EIF4G3: variants seen among roughly 807,000 people sequenced by gnomAD.
The protein encoded by EIF4G3 is eIF-4-gamma 3.
Under a neutral mutation model 186.4 loss-of-function variants are expected in EIF4G3, and 34 were observed. That is an observed-to-expected ratio of 0.18 (90% CI 0.14 to 0.24). EIF4G3 has a LOEUF of 0.24. Ranked by LOEUF, EIF4G3 falls within the 10% of genes least tolerant of loss-of-function variation. The probability of loss-of-function intolerance (pLI) is 1.00; values close to 1 mark genes in which losing one functional copy is unlikely to be tolerated. For missense variants in EIF4G3, 1,536 were observed against 1,948.5 expected (o/e 0.79, Z 3.99); for synonymous variants, 673 against 679.5 (o/e 0.99, Z 0.15).
At chr1:20,835,176 G>C (rs2066380096) in intron 30 of EIF4G3, among the ~76,000 whole-genome samples, 2 of 152,192 alleles carry the variant, frequency 1.3e-5, no homozygotes, top group Non-Finnish European at 2.9e-5. Flanking sequence ...AATATCTTGA[G>C]ACAAATGAAA....
intron 26 of EIF4G3, 150 bp downstream of exon 26, chr1:20,854,828 T>C: frequency 4.1e-6 from 2 of 483,984 alleles, no homozygotes; most frequent in Non-Finnish European, 7.5e-6. Context: ...AAAGGATCTA[T>C]GTTGAAAGGA....
intron 2 of EIF4G3, among the ~76,000 whole-genome samples, chr1:21,150,345 T>C (rs1386455593): frequency 6.6e-6 from 1 of 152,212 alleles, no homozygotes; most frequent in Non-Finnish European, 1.5e-5. Context: ...CCATGTCATT[T>C]AAAATAAGGC....
chr1:21,077,583 C>CAA (rs59376357), intron 3 of EIF4G3, among the ~76,000 whole-genome samples: 167 of 122,802 alleles, frequency 1.4e-3, no homozygotes, highest in African/African-American at 4.6e-3. Context: ...ATTAAAAATA[C>CAA]AAAAAAAAAA....
At chr1:20,831,250 G>A (rs2065077760) in intron 30 of EIF4G3, among the ~76,000 whole-genome samples, 1 of 151,424 alleles carries the variant, frequency 6.6e-6, no homozygotes, top group Non-Finnish European at 1.5e-5. Flanking sequence ...ATTGAAGAAA[G>A]GGATACATGA....
chr1:21,090,938 G>A (rs1019583157), intron 2 of EIF4G3, among the ~76,000 whole-genome samples: 1 of 151,982 alleles, frequency 6.6e-6, no homozygotes, highest in African/African-American at 2.4e-5. Flanking sequence ...TCTTATTTAG[G>A]CCAAGATGTC....
chr1:20,816,300 AGCCGCCCCG>A (rs2060820842), intron 34 of EIF4G3, among the ~76,000 whole-genome samples: 1 of 14,098 alleles, frequency 7.1e-5, no homozygotes, highest in Non-Finnish European at 1.5e-4. Flanking sequence ...CTGCCCGGCC[AGCCGCCCCG>A]TCCGGGAGGG....
chr1:20,897,629 T>C (rs897874588), intron 16 of EIF4G3, among the ~76,000 whole-genome samples: 1 of 152,130 alleles, frequency 6.6e-6, no homozygotes, highest in Non-Finnish European at 1.5e-5. Flanking sequence ...AGATTCCTAA[T>C]GTGTAGGTTA....
At chr1:21,101,883 C>A (rs2096534995) in intron 2 of EIF4G3, among the ~76,000 whole-genome samples, 1 of 152,034 alleles carries the variant, frequency 6.6e-6, no homozygotes, top group African/African-American at 2.4e-5. Context: ...CAGAGTATAA[C>A]TGGTAACAAA....
At chr1:21,031,194 C>CA (rs1553158400) in intron 4 of EIF4G3, among the ~76,000 whole-genome samples, 14 of 149,488 alleles carry the variant, frequency 9.4e-5, no homozygotes, top group African/African-American at 2.7e-4. Context: ...AAAAAAAAAA[C>CA]ACAACAACAA....
chr1:21,164,729 G>A (rs902978932), intron 2 of EIF4G3, among the ~76,000 whole-genome samples: 2 of 151,940 alleles, frequency 1.3e-5, no homozygotes, highest in Admixed American at 6.6e-5. Flanking sequence ...GTGTAGTGGC[G>A]CACACATGCA....
At chr1:20,961,153 G>A (rs1207147387) in intron 12 of EIF4G3, among the ~76,000 whole-genome samples, 1 of 152,152 alleles carries the variant, frequency 6.6e-6, no homozygotes, top group Non-Finnish European at 1.5e-5. Context: ...GGGAGGCCGA[G>A]GTGGGCGGAT....
At chr1:21,016,613 C>T (rs917810601) in intron 4 of EIF4G3, among the ~76,000 whole-genome samples, 21 of 151,940 alleles carry the variant, frequency 1.4e-4, no homozygotes, top group African/African-American at 5.1e-4. Flanking sequence ...GAGCCATGAT[C>T]GCGTCACTGC....
intron 36 of EIF4G3, among the ~76,000 whole-genome samples, chr1:20,809,031 T>C (rs1202941534): frequency 6.6e-6 from 1 of 152,088 alleles, no homozygotes; most frequent in Non-Finnish European, 1.5e-5. Flanking sequence ...TGGAGTGCAG[T>C]GGCATGATCT....
intron 3 of EIF4G3, among the ~76,000 whole-genome samples, chr1:21,083,004 C>G (rs1017782105): frequency 9.5e-5 from 12 of 126,354 alleles, no homozygotes; most frequent in Middle Eastern, 6.8e-3. Context: ...CGCCACTGCA[C>G]TCCAACCTGG....
intron 2 of EIF4G3, among the ~76,000 whole-genome samples, chr1:21,166,321 A>AC (rs2097854989): frequency 6.6e-6 from 1 of 151,872 alleles, no homozygotes; most frequent in Non-Finnish European, 1.5e-5. Flanking sequence ...TCCCAGTTAC[A>AC]CAAGAGGCTG....
intron 2 of EIF4G3, among the ~76,000 whole-genome samples, chr1:21,130,355 G>A (rs55769505): frequency 5.9e-5 from 9 of 151,480 alleles, no homozygotes; most frequent in African/African-American, 2.2e-4. Context: ...CTCCCGAGTG[G>A]TTGGGATTAA....
At chr1:20,949,662 T>C (rs1204325674) in intron 13 of EIF4G3, among the ~76,000 whole-genome samples, 1 of 152,214 alleles carries the variant, frequency 6.6e-6, no homozygotes, top group Non-Finnish European at 1.5e-5. Context: ...ATGCTGAATA[T>C]ATAAGCTAAA....
intron 29 of EIF4G3, chr1:20,847,801 C>T (rs1238515212): frequency 4.2e-6 from 2 of 471,628 alleles, no homozygotes; most frequent in Admixed American, 4.7e-5. Flanking sequence ...CTGCAAAGCA[C>T]TCACCTCCAC....
intron 19 of EIF4G3, among the ~76,000 whole-genome samples, chr1:20,885,029 T>C (rs1327533222): frequency 6.6e-6 from 1 of 152,186 alleles, no homozygotes; most frequent in African/African-American, 2.4e-5. Context: ...CCTAGATCGC[T>C]TCCATGTACA....
Sources: allele counts gnomAD v4.1 joint callset (sites outside exome capture counted in the v4.1 genomes callset), GRCh38; gene constraint gnomAD v4.1.1; transcripts MANE v1.5; gene names NCBI Gene and HGNC (gene_info 2026-07-23, HGNC 2026-07-21).